EPHA6: variants seen among roughly 807,000 people sequenced by gnomAD.
EPHA6 encodes EPH receptor A6, also known as ephrin type-A receptor 6.
EPHA6 carries 50 observed loss-of-function variants against 112.0 expected under a neutral mutation model. The observed-to-expected ratio is 0.45, with a 90% CI of 0.36 to 0.56. The LOEUF (loss-of-function observed/expected upper bound fraction) is 0.56, where lower values mean the gene tolerates loss of function less well. Ranked by LOEUF, EPHA6 falls within the 20% of genes least tolerant of loss-of-function variation. The pLI is 0.00. For missense variants in EPHA6, 1,280 were observed against 1,417.4 expected (o/e 0.90, Z 1.56); for synonymous variants, 529 against 490.7 (o/e 1.08, Z -1.03).
intron 1 of EPHA6, among the ~76,000 whole-genome samples, chr3:96,839,145 C>A (rs1184628047): frequency 6.6e-6 from 1 of 151,934 alleles, no homozygotes; most frequent in Non-Finnish European, 1.5e-5. Context: ...ACTTAGTATC[C>A]CCTACAGCAG....
intron 10 of EPHA6, among the ~76,000 whole-genome samples, chr3:97,512,191 T>C (rs751084202): frequency 3.9e-5 from 6 of 152,176 alleles, no homozygotes; most frequent in Non-Finnish European, 7.3e-5. Context: ...CCTGTTATGG[T>C]CCTTGGAGAA....
intron 6 of EPHA6, among the ~76,000 whole-genome samples, chr3:97,436,476 G>GT (rs775465739): frequency 2.2e-4 from 34 of 152,036 alleles, no homozygotes; most frequent in Non-Finnish European, 4.0e-4. Context: ...ATTAGAAATT[G>GT]TTTTTTCCCC....
rs541357108 is a variant in EPHA6 at position 97,505,462 on chromosome 3, G to C, written c.2200+21403G>C. ...TGTTTGGTTGTCTGTTCCTGTGTTA[G>C]TTTGCTGAGAATGATGGTTTCCAGC... On this transcript the variant is annotated intron_variant, in intron 10 of 17. Coordinates refer to ENST00000389672, the MANE Select transcript of EPHA6 (RefSeq NM_001080448.3). Among the ~76,000 whole-genome samples the C allele has an allele frequency of 2.0e-5, 3 of 152,044 alleles. No homozygotes were observed. In the East Asian group the frequency reaches 5.8e-4, roughly 29 times the overall value.
At chr3:97,016,241 T>C (rs2044262817) in intron 3 of EPHA6, among the ~76,000 whole-genome samples, 1 of 152,152 alleles carries the variant, frequency 6.6e-6, no homozygotes, top group Non-Finnish European at 1.5e-5. Context: ...GTAATGACTT[T>C]AAACAATTAA....
intron 3 of EPHA6, among the ~76,000 whole-genome samples, chr3:97,113,440 G>A (rs1032494775): frequency 6.6e-6 from 1 of 152,120 alleles, no homozygotes; most frequent in African/African-American, 2.4e-5. Context: ...CTGAGGCAAG[G>A]AAGGAGCCTA....
At chr3:97,714,683 G>A (rs1559622262) in intron 14 of EPHA6, among the ~76,000 whole-genome samples, 1 of 152,206 alleles carries the variant, frequency 6.6e-6, no homozygotes, top group Non-Finnish European at 1.5e-5. Flanking sequence ...AGGGTTGTCT[G>A]TTCTAACTAG....
intron 10 of EPHA6, among the ~76,000 whole-genome samples, chr3:97,524,852 A>T (rs1426285785): frequency 2.0e-5 from 3 of 152,062 alleles, no homozygotes; most frequent in Non-Finnish European, 4.4e-5. Flanking sequence ...CCTATGGGAG[A>T]TCATTTTTAT....
chr3:97,497,903 A>T (rs1235597788), intron 10 of EPHA6, among the ~76,000 whole-genome samples: 1 of 152,070 alleles, frequency 6.6e-6, no homozygotes, highest in Non-Finnish European at 1.5e-5. Flanking sequence ...TGGAGGAAGG[A>T]TTTAGATAAG....
At chr3:97,441,973 GT>G (rs2090153416) in intron 6 of EPHA6, among the ~76,000 whole-genome samples, 1 of 151,932 alleles carries the variant, frequency 6.6e-6, no homozygotes, top group South Asian at 2.1e-4. Context: ...AGATAATTAA[GT>G]TATGCTTTAC....
intron 5 of EPHA6, among the ~76,000 whole-genome samples, chr3:97,357,908 A>G (rs1278458053): frequency 6.6e-6 from 1 of 152,146 alleles, no homozygotes; most frequent in Non-Finnish European, 1.5e-5. Context: ...ATCTTGGTCA[A>G]TTTCACATTG....
rs561770775 is a variant in EPHA6, at chr3:97,090,966, A to G, written c.1114+102973A>G. ...GTTAGATGTTTTAACACCTGTTTAC[A>G]CTAATAATTACAGTAATAATATTGA... On this transcript the variant is annotated intron_variant, in intron 3 of 17. Transcript: ENST00000389672. 3.3e-5 allele frequency among the ~76,000 whole-genome samples: 5 copies of G among 152,170 alleles called. No homozygotes were observed. The South Asian group carries it at 1.0e-3, about 32-fold the overall frequency.
chr3:97,567,033 A>C (rs1038233505), intron 11 of EPHA6, among the ~76,000 whole-genome samples: 1 of 152,208 alleles, frequency 6.6e-6, no homozygotes. Flanking sequence ...AGGAAAATCA[A>C]TGTGCTCTTC....
At chr3:97,218,252 A>G (rs1360605513) in intron 3 of EPHA6, among the ~76,000 whole-genome samples, 2 of 151,920 alleles carry the variant, frequency 1.3e-5, no homozygotes, top group Non-Finnish European at 2.9e-5. Context: ...GCCTGGATGA[A>G]AGAGTGAGAC....
chr3:97,043,311 G>A (rs981635072), intron 3 of EPHA6, among the ~76,000 whole-genome samples: 1 of 152,004 alleles, frequency 6.6e-6, no homozygotes, highest in African/African-American at 2.4e-5. Context: ...GTAGTCAGCT[G>A]TATATATCCA....
chr3:97,655,088 T>C (rs2094129821), intron 14 of EPHA6, among the ~76,000 whole-genome samples: 2 of 148,194 alleles, frequency 1.3e-5, no homozygotes, highest in African/African-American at 2.4e-5. Flanking sequence ...AGAAAATATA[T>C]ATATTATATG....
At chr3:96,903,689 A>G (rs997558607) in intron 2 of EPHA6, among the ~76,000 whole-genome samples, 2 of 152,132 alleles carry the variant, frequency 1.3e-5, no homozygotes, top group Admixed American at 6.6e-5. Context: ...AATGGGAGAA[A>G]ATTTTTGCAA....
At chr3:97,627,871 C>A (rs566371115) in intron 13 of EPHA6, among the ~76,000 whole-genome samples, 1 of 151,946 alleles carries the variant, frequency 6.6e-6, no homozygotes, top group East Asian at 1.9e-4. Context: ...CCAATGAAAT[C>A]AAAATCTCTT....
chr3:97,594,262 C>G (rs933407774), intron 12 of EPHA6, among the ~76,000 whole-genome samples: 2 of 152,174 alleles, frequency 1.3e-5, no homozygotes, highest in South Asian at 2.1e-4. Context: ...CATTTAGCTA[C>G]TGAGAATGAC....
rs182883100 is a variant in EPHA6 at position 97,637,413 on chromosome 3, T to C, written c.2575-460T>C. Among the ~76,000 whole-genome samples the C allele has an allele frequency of 4.1e-3, 632 of 152,316 alleles. 2 individuals are homozygous for C. Among genetic ancestry groups the C allele is most frequent in the African/African-American group, 0.014 (585 of 41,576 alleles). Reference sequence around the variant, plus strand: ...TTCCTGAGTCACCTGTCCTGACTACTATTTTTCACAGTATCTCCAGTTATC... The same window carrying C: ...TTCCTGAGTCACCTGTCCTGACTACCATTTTTCACAGTATCTCCAGTTATC... On this transcript the variant is annotated intron_variant, in intron 13 of 17. Transcript: ENST00000389672.
Sources: gnomAD v4.1 joint callset for allele counts (sites outside exome capture counted in the v4.1 genomes callset) on GRCh38, gnomAD v4.1.1 for gene constraint, MANE v1.5 for transcripts, NCBI Gene and HGNC (gene_info 2026-07-23, HGNC 2026-07-21) for gene names.